The following ACTR5 variants were observed in gnomAD, a reference collection of about 807,000 sequenced individuals.
The protein encoded by ACTR5 is actin related protein 5.
In ACTR5, 43 loss-of-function variants were observed where a neutral mutation model predicts 61.2. The observed-to-expected ratio is 0.70, with a 90% confidence interval of 0.55 to 0.91. The LOEUF (loss-of-function observed/expected upper bound fraction) is 0.91, where lower values mean the gene tolerates loss of function less well. Among genes scored for constraint, ACTR5 ranks in the 40% least tolerant of loss-of-function variants. ACTR5 has a pLI of 0.00. For synonymous variants in ACTR5, 333 were observed against 310.5 expected (o/e 1.07, Z -0.76); for missense variants, 798 against 782.2 (o/e 1.02, Z -0.24).
intron 5 of ACTR5, among the ~76,000 whole-genome samples, chr20:38,758,369 G>A (rs1037265462): frequency 4.6e-5 from 7 of 152,136 alleles, no homozygotes; most frequent in Non-Finnish European, 1.0e-4. Flanking sequence ...CAGTTGGGCC[G>A]GGCACGGTGG....
At chr20:38,764,982 ATTTAT>A (rs1470250124) in intron 5 of ACTR5, among the ~76,000 whole-genome samples, 5 of 152,208 alleles carry the variant, frequency 3.3e-5, no homozygotes, top group African/African-American at 1.2e-4. Context: ...CAGCAGATGT[ATTTAT>A]TAATTATTAA....
intron 6 of ACTR5, 73 bp from the exon 7 acceptor site, chr20:38,766,165 G>C (rs2084485295): frequency 2.0e-6 from 3 of 1,534,976 alleles, no homozygotes; most frequent in Admixed American, 4.0e-5. Flanking sequence ...AAGAAACGCA[G>C]TTTGAGGAAA....
intron 5 of ACTR5, among the ~76,000 whole-genome samples, chr20:38,757,661 G>A (rs1362860661): frequency 6.6e-6 from 1 of 151,672 alleles, no homozygotes; most frequent in Non-Finnish European, 1.5e-5. Flanking sequence ...TTGCAGTGAT[G>A]GGCTCCCAGC....
In ACTR5 at chr20:38,771,582, G is replaced by A; in HGVS notation, c.1590G>A (p.Val530=). 1 of 1,614,004 alleles carries A rather than the reference G, an allele frequency of 6.2e-7. No individual in the cohort carries two copies. The highest frequency in any genetic ancestry group is 8.5e-7 in the Non-Finnish European group (1 of 1,179,904). The stretch of plus-strand genomic sequence containing the variant: ...AGGTTCAACTTGCCTCGAACCCTGT[G>A]CTGGATGCCTGGTACGGTGCTCGTG... The part of the protein sequence containing the change: ...SFQVQLASNP[V]LDAWYGARDW... The change falls in exon 9 of 9, where the codon GTG becomes GTA. Residue 530 remains valine (V), a synonymous_variant. Coordinates refer to ENST00000243903, the MANE Select transcript of ACTR5 (RefSeq NM_024855.4).
intron 5 of ACTR5, 113 bp downstream of exon 5, chr20:38,756,152 G>A: frequency 3.3e-6 from 4 of 1,204,488 alleles, no homozygotes; most frequent in Non-Finnish European, 4.5e-6. Flanking sequence ...CAGAGGGGAT[G>A]TGGGTGGTGG....
intron 7 of ACTR5, 114 bp downstream of exon 7, chr20:38,766,491 T>C (rs2084487715): frequency 2.3e-6 from 3 of 1,305,056 alleles, no homozygotes; most frequent in African/African-American, 1.5e-5. Flanking sequence ...CTCTCTTCTT[T>C]TCATTGACTT....
chr20:38,762,160 G>C (rs1406175852), intron 5 of ACTR5, among the ~76,000 whole-genome samples: 1 of 152,214 alleles, frequency 6.6e-6, no homozygotes, highest in East Asian at 1.9e-4. Context: ...ACTGGAATCA[G>C]CTGGAGGGTT....
rs777024733 is a variant in ACTR5 at position 38,766,329 on chromosome 20, G to A, written c.1385G>A (p.Gly462Glu). ...PEIIFQPSLI[G>E]EEQAGIAETL... is the part of the protein sequence containing the mutation. ...ATTATTTTCCAGCCATCTCTCATAG[G>A]AGAAGAACAGGCTGGGATTGCAGAG... Residue 462 changes from glycine (G) to glutamate (E), a missense_variant, in exon 7 of 9, where the codon GGA (glycine) becomes GAA (glutamate). Coordinates refer to ENST00000243903, the MANE Select transcript of ACTR5 (RefSeq NM_024855.4). 6.2e-7 allele frequency: 1 copy of A among 1,613,990 alleles called. No homozygotes were observed. Among genetic ancestry groups the A allele is most frequent in the Non-Finnish European group, 8.5e-7 (1 of 1,179,994 alleles).
chr20:38,771,715 G>T lies in ACTR5; in HGVS notation c.1723G>T (p.Val575Phe). Residue 575 changes from valine (V) to phenylalanine (F), a missense_variant, in exon 9 of 9, where the codon GTC becomes TTC. Transcript: ENST00000243903. Reference sequence around the variant, plus strand: ...GGAGCACTGTGCTTCCAACATCTATGTCCCCATCCGCCTGCCGAAGCAGGC... The same window carrying T: ...GGAGCACTGTGCTTCCAACATCTATTTCCCCATCCGCCTGCCGAAGCAGGC... The part of the protein sequence containing the change: ...LKEHCASNIY[V>F]PIRLPKQASR... 1.2e-6 allele frequency: 2 copies of T among 1,614,164 alleles called. No individual in the cohort carries two copies. The highest frequency in any genetic ancestry group is 1.1e-5 in the South Asian group (1 of 91,076).
rs554988280 is a variant in ACTR5, at chr20:38,748,895, A to C, written c.375+42A>C. 142 of 1,560,918 alleles carry C rather than the reference A, an allele frequency of 9.1e-5. No individual in the cohort carries two copies. In the East Asian group the frequency reaches 3.0e-3, roughly 33 times the overall value. ...GCTGGGCTGGGCTGGGTTTGAGGGG[A>C]GGGGTGCGGTCTCGTCTCCGCTCAC... On this transcript the variant is annotated intron_variant, in intron 1 of 8. Coordinates refer to ENST00000243903, the MANE Select transcript of ACTR5 (RefSeq NM_024855.4).
chr20:38,748,861 G>T lies in ACTR5; in HGVS notation c.375+8G>T. The T allele has an allele frequency of 6.2e-7, 1 of 1,603,498 alleles. No individual in the cohort carries two copies. ...CTGGGTGTCTCCTCACAGGTGAAGG[G>T]CGGAGTAGGCTGGGCTGGGCTGGGT... On this transcript the variant is annotated splice_region_variant and intron_variant, in intron 1 of 8. Transcript: ENST00000243903.
intron 5 of ACTR5, among the ~76,000 whole-genome samples, chr20:38,762,875 G>A (rs2084463225): frequency 1.3e-5 from 2 of 152,202 alleles, no homozygotes; most frequent in Admixed American, 6.5e-5. Context: ...CAGGTTACAG[G>A]TTTTGTCTGT....
At chr20:38,750,304 C>T (rs916741096) in intron 2 of ACTR5, 65 bp downstream of exon 2, 13 of 1,419,730 alleles carry the variant, frequency 9.2e-6, no homozygotes, top group Middle Eastern at 1.8e-4. Context: ...TTATTTACTG[C>T]GTGCTTTAAA....
chr20:38,751,590 G>C (rs906873576), intron 2 of ACTR5, among the ~76,000 whole-genome samples: 1 of 152,168 alleles, frequency 6.6e-6, no homozygotes, highest in Non-Finnish European at 1.5e-5. Context: ...TAAGTTCCTA[G>C]TGCTCTGCCA....
Position 38,756,549 on chromosome 20 carries a change from C to T in ACTR5, c.1176+510C>T, listed in dbSNP as rs189670618. Among the ~76,000 whole-genome samples the T allele has an allele frequency of 4.9e-3, 750 of 152,310 alleles. 7 individuals are homozygous for T. Among genetic ancestry groups the T allele is most frequent in the African/African-American group, 0.017 (709 of 41,562 alleles). Reference sequence around the variant, plus strand: ...TTTATTAGTTGCTAAAGACCCTTTGCATAAGCTCTTTGATTTTCTCTTCTT... The same window carrying T: ...TTTATTAGTTGCTAAAGACCCTTTGTATAAGCTCTTTGATTTTCTCTTCTT... On this transcript the variant is annotated intron_variant, in intron 5 of 8. Transcript: ENST00000243903.
intron 7 of ACTR5, 92 bp downstream of exon 7, chr20:38,766,469 A>G (rs2243520): frequency 0.26 from 368,166 of 1,429,918 alleles, 47,780 homozygotes; most frequent in Middle Eastern, 0.33. Flanking sequence ...AGGCACTTGA[A>G]AATGCATCTC....
At chr20:38,753,878 T>TTTTCTTTTTTC (rs2084401578) in intron 3 of ACTR5, among the ~76,000 whole-genome samples, 1 of 151,712 alleles carries the variant, frequency 6.6e-6, no homozygotes, top group Admixed American at 6.5e-5. Context: ...TCGAGCTTTT[T>TTTTCTTTTTTC]TTTTTTTTTT....
chr20:38,765,537 A>G lies in ACTR5; in HGVS notation c.1293+19A>G, dbSNP rs1224375267. The G allele has an allele frequency of 2.5e-6, 4 of 1,587,692 alleles. No individual in the cohort carries two copies. The highest frequency in any genetic ancestry group is 1.3e-5 in the African/African-American group (1 of 74,404). On this transcript the variant is annotated intron_variant, in intron 6 of 8. Coordinates refer to ENST00000243903, the MANE Select transcript of ACTR5 (RefSeq NM_024855.4). ...TGTTCAGGTTTGACTTCTACAGCCC[A>G]GAACATGCTTATTCTTTGAAGGTGT...
rs531945601 is a variant in ACTR5, at chr20:38,762,889, T to C, written c.1177-2513T>C. On this transcript the variant is annotated intron_variant, in intron 5 of 8. Transcript: ENST00000243903. ...ACAGGTTACAGGTTTTGTCTGTAGT[T>C]ATTTTAAATACACAGATGACATCTT... is the stretch of plus-strand genomic sequence containing the variant. Among the ~76,000 whole-genome samples, 3 of 152,336 alleles carry C rather than the reference T, an allele frequency of 2.0e-5. No individual in the cohort carries two copies. In the East Asian group the frequency reaches 5.8e-4, roughly 29 times the overall value.
Sources: allele counts gnomAD v4.1 joint callset (sites outside exome capture counted in the v4.1 genomes callset), GRCh38; gene constraint gnomAD v4.1.1; transcripts MANE v1.5; gene names NCBI Gene and HGNC (gene_info 2026-07-23, HGNC 2026-07-21).